Variants in RICTOR observed in about 807,000 individuals in gnomAD.
RICTOR encodes RPTOR independent companion of MTOR complex 2.
A neutral mutation model predicts 214.9 loss-of-function variants in RICTOR; 49 were observed. That is an observed-to-expected ratio of 0.23 (90% CI 0.18 to 0.29). The LOEUF (loss-of-function observed/expected upper bound fraction) is 0.29. Among genes scored for constraint, RICTOR ranks in the 10% least tolerant of loss-of-function variants. RICTOR has a pLI of 1.00. For synonymous variants in RICTOR, 717 were observed against 711.3 expected (o/e 1.01, Z -0.13); for missense variants, 1,625 against 2,047.0 (o/e 0.79, Z 3.98).
In RICTOR at chr5:38,961,539, C is replaced by T. The variant is rs546211110; in HGVS notation, c.1715+776G>A. ...GAATTTAGTTCAGTTCAATTTCATG[C>T]ACTACAATTCAATCCAATAGAGGTG... is the stretch of plus-strand genomic sequence containing the variant. On this transcript the variant is annotated intron_variant, in intron 19 of 37. Transcript: ENST00000357387. 2.6e-5 allele frequency among the ~76,000 whole-genome samples: 4 copies of T among 152,196 alleles called. No individual in the cohort carries two copies. In the South Asian group the frequency reaches 8.3e-4, roughly 31 times the overall value.
intron 3 of RICTOR, among the ~76,000 whole-genome samples, chr5:39,012,667 TTATATAGGCTTGTTATTA>T (rs1341648720): frequency 4.6e-5 from 7 of 152,218 alleles, no homozygotes; most frequent in African/African-American, 1.4e-4. Context: ...GACTACCCTA[TTATATAGGCTTGTTATTA>T]TATATTAAGA....
chr5:38,984,399 AT>A (rs1213830766), intron 7 of RICTOR, among the ~76,000 whole-genome samples: 1 of 151,992 alleles, frequency 6.6e-6, no homozygotes, highest in Admixed American at 6.5e-5. Flanking sequence ...CATGAAATGG[AT>A]TTTTTTTCTT....
chr5:39,020,645 TACA>T (rs1360673050), intron 3 of RICTOR, among the ~76,000 whole-genome samples: 1 of 152,224 alleles, frequency 6.6e-6, no homozygotes, highest in Non-Finnish European at 1.5e-5. Flanking sequence ...CTTGCTTTAT[TACA>T]ACATTGACTT....
chr5:39,024,739 C>T (rs1337332858), intron 2 of RICTOR, among the ~76,000 whole-genome samples: 1 of 152,144 alleles, frequency 6.6e-6, no homozygotes, highest in East Asian at 1.9e-4. Flanking sequence ...CTAATAGTTA[C>T]GATGATTAGT....
intron 6 of RICTOR, among the ~76,000 whole-genome samples, chr5:38,992,659 T>C (rs1302563833): frequency 6.6e-6 from 1 of 152,178 alleles, no homozygotes; most frequent in African/African-American, 2.4e-5. Flanking sequence ...TGCTATGAAA[T>C]ATATACATAA....
At chr5:39,070,783 A>G (rs1375681413) in intron 2 of RICTOR, among the ~76,000 whole-genome samples, 1 of 152,226 alleles carries the variant, frequency 6.6e-6, no homozygotes. Context: ...AAAGAGATGC[A>G]CTACTGGACT....
chr5:38,994,514 T>A (rs1753034350), intron 6 of RICTOR, among the ~76,000 whole-genome samples: 1 of 147,876 alleles, frequency 6.8e-6, no homozygotes, highest in Admixed American at 6.9e-5. Context: ...GAGGCCACTG[T>A]TCGTTCAGCA....
intron 33 of RICTOR, 56 bp from the exon 34 acceptor site, chr5:38,945,780 C>T (rs1201029842): frequency 1.1e-6 from 1 of 876,188 alleles, no homozygotes; most frequent in Admixed American, 2.9e-5. Flanking sequence ...TTTCAAGGTA[C>T]CTTAAATTAT....
intron 27 of RICTOR, among the ~76,000 whole-genome samples, chr5:38,954,111 C>T (rs1713887545): frequency 1.3e-5 from 2 of 151,786 alleles, no homozygotes; most frequent in Non-Finnish European, 1.5e-5. Flanking sequence ...AAACTTTGTG[C>T]TCTTGAGATG....
chr5:38,956,038 T>A (rs187699342), intron 25 of RICTOR, among the ~76,000 whole-genome samples: 30 of 152,200 alleles, frequency 2.0e-4, no homozygotes, highest in Admixed American at 1.8e-3. Flanking sequence ...TGATCCATTA[T>A]ATATTGTCAT....
chr5:39,022,972 T>A (rs565277496), intron 2 of RICTOR, among the ~76,000 whole-genome samples: 1 of 151,992 alleles, frequency 6.6e-6, no homozygotes, highest in East Asian at 1.9e-4. Context: ...AATAAACCAA[T>A]AAAATGCTCA....
Position 38,990,702 on chromosome 5 carries a change from C to CAT in RICTOR, c.583+246_583+247insAT, listed in dbSNP as rs1335646874. On this transcript the variant is annotated intron_variant, in intron 7 of 37. Coordinates refer to ENST00000357387, the MANE Select transcript of RICTOR (RefSeq NM_152756.5). The stretch of plus-strand genomic sequence containing the variant: ...GATATATCATATATATGATATATAT[C>CAT]AGATATGATATATATGATATATATC... Among the ~76,000 whole-genome samples the CAT allele has an allele frequency of 1.1e-3, 117 of 103,370 alleles. 2 individuals carry two copies. The highest frequency in any genetic ancestry group is 2.8e-3 in the East Asian group (9 of 3,250). The allele number at this position is 103,370 out of a possible 152,430, so 67.8% of individuals were successfully genotyped here.
intron 29 of RICTOR, 52 bp downstream of exon 29, chr5:38,952,933 T>C: frequency 9.3e-7 from 1 of 1,080,810 alleles, no homozygotes; most frequent in Non-Finnish European, 1.4e-6. Flanking sequence ...CTAACATCCA[T>C]TTGTGAATAA....
At chr5:39,061,094 G>A (rs1033993036) in intron 2 of RICTOR, among the ~76,000 whole-genome samples, 1 of 152,024 alleles carries the variant, frequency 6.6e-6, no homozygotes, top group Admixed American at 6.6e-5. Context: ...GTTCAAAGAC[G>A]ATTAAACATT....
At position 39,036,441 on chromosome 5, in the gene RICTOR, G is replaced by A. The variant is rs532085830; in HGVS notation, c.98-15305C>T. Among the ~76,000 whole-genome samples, 3 of 152,266 alleles carry A rather than the reference G, an allele frequency of 2.0e-5. No homozygotes were observed. In the East Asian group the frequency reaches 5.8e-4, roughly 29 times the overall value. ...CAAAATAACCAGCTAACATCATAAT[G>A]ACAGTATCAAATTCACACATAACAA... On this transcript the variant is annotated intron_variant, in intron 2 of 37. Transcript: ENST00000357387.
chr5:39,028,175 CTTTTTTT>C (rs70982535), intron 2 of RICTOR, among the ~76,000 whole-genome samples: 21 of 78,402 alleles, frequency 2.7e-4, no homozygotes, highest in African/African-American at 8.8e-4. Context: ...AACTGGAATT[CTTTTTTT>C]TTTTTTTTTT....
In RICTOR at chr5:38,990,704, G is replaced by GAT. The variant is rs370197935; in HGVS notation, c.583+243_583+244dup. Among the ~76,000 whole-genome samples, 18 of 45,264 alleles carry GAT rather than the reference G, an allele frequency of 4.0e-4. 4 individuals carry two copies. Among genetic ancestry groups the GAT allele is most frequent in the African/African-American group, 1.3e-3 (17 of 13,162 alleles). The allele number at this position is 45,264 out of a possible 152,430, so 29.7% of individuals were successfully genotyped here. ...TATATCATATATATGATATATATCA[G>GAT]ATATGATATATATGATATATATCAT... is the stretch of plus-strand genomic sequence containing the variant. On this transcript the variant is annotated intron_variant, in intron 7 of 37. Coordinates refer to ENST00000357387, the MANE Select transcript of RICTOR (RefSeq NM_152756.5).
At position 39,046,082 on chromosome 5, in the gene RICTOR, G is replaced by C. The variant is rs527802818; in HGVS notation, c.98-24946C>G. The stretch of plus-strand genomic sequence containing the variant: ...AAATAAATGCTGGCCAGGTGCAGAG[G>C]CTCATGCACGTAATCCCAAAACTCT... On this transcript the variant is annotated intron_variant, in intron 2 of 37. Coordinates refer to ENST00000357387, the MANE Select transcript of RICTOR (RefSeq NM_152756.5). 3.1e-4 allele frequency among the ~76,000 whole-genome samples: 40 copies of C among 127,114 alleles called. 1 individual carries two copies. The South Asian group carries it at 8.5e-3, about 27-fold the overall frequency. 83.4% of individuals were successfully genotyped at this position (127,114 alleles called of 152,430 possible).
intron 2 of RICTOR, among the ~76,000 whole-genome samples, chr5:39,025,756 G>A (rs114000238): frequency 2.9e-4 from 44 of 152,228 alleles, no homozygotes; most frequent in African/African-American, 9.9e-4. Context: ...ACTTGTGAGG[G>A]CTTCACCCTT....
Sources: allele counts gnomAD v4.1 joint callset (sites outside exome capture counted in the v4.1 genomes callset), GRCh38; gene constraint gnomAD v4.1.1; transcripts MANE v1.5; gene names NCBI Gene and HGNC (gene_info 2026-07-23, HGNC 2026-07-21).